Variants in PCDHGA7 observed in about 807,000 individuals in gnomAD.
The protein encoded by PCDHGA7 is protocadherin gamma-A7.
In PCDHGA7, 44 loss-of-function variants were observed where a neutral mutation model predicts 58.3. That is an observed-to-expected ratio of 0.75 (90% CI 0.59 to 0.97). The LOEUF (loss-of-function observed/expected upper bound fraction) is 0.97, where lower values mean the gene tolerates loss of function less well. Ranked by LOEUF, PCDHGA7 falls within the 50% of genes least tolerant of loss-of-function variation. PCDHGA7 has a pLI of 0.00. For missense variants in PCDHGA7, 1,266 were observed against 1,188.7 expected (o/e 1.06, Z -0.96); for synonymous variants, 516 against 504.2 (o/e 1.02, Z -0.31).
At position 141,476,851 on chromosome 5, in the gene PCDHGA7, C is replaced by T; in HGVS notation, c.2425-17956C>T. ...CGAATGACAATGCGCCTGTCTTCAA[C>T]CAGTCCTTGTACCGGGCGCGCGTCC... On this transcript the variant is annotated intron_variant, in intron 1 of 3. Transcript: ENST00000518325. This position sits in a 1 kb window ranked among gnomAD's most constrained non-coding sequence, Gnocchi z 7.6. The T allele has an allele frequency of 6.2e-7, 1 of 1,613,836 alleles. No individual in the cohort carries two copies. Among genetic ancestry groups the T allele is most frequent in the Non-Finnish European group, 8.5e-7 (1 of 1,180,046 alleles).
intron 1 of PCDHGA7, among the ~76,000 whole-genome samples, chr5:141,463,632 T>C (rs2099065676): frequency 6.6e-6 from 1 of 151,822 alleles, no homozygotes; most frequent in Admixed American, 6.6e-5. Flanking sequence ...GTATTTTGTT[T>C]AGTAGAGACG....
At position 141,495,662 on chromosome 5, in the gene PCDHGA7, C is replaced by T. The variant is rs545912968; in HGVS notation, c.2483+797C>T. The stretch of plus-strand genomic sequence containing the variant: ...TTTGTCTACTTGCATTGATCTGTGC[C>T]GCCCACTGTGCCTGCCATGGCATAA... On this transcript the variant is annotated intron_variant, in intron 2 of 3. Coordinates refer to ENST00000518325, the MANE Select transcript of PCDHGA7 (RefSeq NM_018920.4). Among the ~76,000 whole-genome samples, 8 of 152,256 alleles carry T rather than the reference C, an allele frequency of 5.3e-5. No individual in the cohort carries two copies. In the South Asian group the frequency reaches 6.2e-4, roughly 12 times the overall value.
intron 1 of PCDHGA7, among the ~76,000 whole-genome samples, chr5:141,444,977 T>A (rs2098452876): frequency 1.3e-5 from 2 of 152,200 alleles, no homozygotes; most frequent in South Asian, 4.1e-4. Flanking sequence ...TTCAAATCCA[T>A]GAACATGGTA....
chr5:141,469,834 T>C (rs1228732202), intron 1 of PCDHGA7, among the ~76,000 whole-genome samples: 4 of 152,068 alleles, frequency 2.6e-5, no homozygotes, highest in African/African-American at 9.7e-5. Context: ...ACATAAAACT[T>C]ATTCTTAAGA....
In PCDHGA7 at chr5:141,383,711, A is replaced by G. The variant is rs201269369; in HGVS notation, c.812A>G (p.Glu271Gly). 5.5e-4 allele frequency: 889 copies of G among 1,614,004 alleles called. No individual in the cohort carries two copies. Among genetic ancestry groups the G allele is most frequent in the Non-Finnish European group, 6.8e-4 (805 of 1,179,880 alleles). The change falls in exon 1 of 4, where the codon GAG (glutamate) becomes GGG (glycine). Residue 271 changes from glutamate to glycine, a missense_variant. Coordinates refer to ENST00000518325, the MANE Select transcript of PCDHGA7 (RefSeq NM_018920.4). ...ACGGTACATGCTATCGACCTGGACGAGGGAGTCAATGGGGAAGTGACATAT... is the reference window on the plus strand; with the variant it reads ...ACGGTACATGCTATCGACCTGGACGGGGGAGTCAATGGGGAAGTGACATAT... The part of the protein sequence containing the change: ...LLTVHAIDLD[E>G]GVNGEVTYSF...
chr5:141,409,990 C>A (rs377295503), intron 1 of PCDHGA7: 26 of 1,613,278 alleles, frequency 1.6e-5, no homozygotes, highest in Non-Finnish European at 2.2e-5. Flanking sequence ...CGGTGGACGC[C>A]GACTCGGGAC....
In PCDHGA7 at chr5:141,417,067, A is replaced by G. The variant is rs1008801110; in HGVS notation, c.2424+31744A>G. The stretch of plus-strand genomic sequence containing the variant: ...AAAAACTGCTCTTGACATTGTAGCT[A>G]TTGTGAGAAAATATTTTGATTATAA... On this transcript the variant is annotated intron_variant, in intron 1 of 3. Coordinates refer to ENST00000518325, the MANE Select transcript of PCDHGA7 (RefSeq NM_018920.4). 2.0e-5 allele frequency: 3 copies of G among 152,102 alleles called. No homozygotes were observed. The South Asian group carries it at 6.2e-4, about 31-fold the overall frequency. 9.4% of individuals were successfully genotyped at this position (152,102 alleles called of 1,614,324 possible).
Position 141,486,616 on chromosome 5 carries a change from C to A in PCDHGA7, c.2425-8191C>A. On this transcript the variant is annotated intron_variant, in intron 1 of 3. Transcript: ENST00000518325. The surrounding 1 kb of genome is among the most constrained non-coding windows in gnomAD (Gnocchi z 5.0). ...TGCTTTGCTCCCTTGCAGCCTCTGACCCAGACTCTGGCTTGAATGCGCTTA... is the reference window on the plus strand; with the variant it reads ...TGCTTTGCTCCCTTGCAGCCTCTGAACCAGACTCTGGCTTGAATGCGCTTA... The A allele has an allele frequency of 6.2e-7, 1 of 1,613,618 alleles. No individual in the cohort carries two copies. Among genetic ancestry groups the A allele is most frequent in the Non-Finnish European group, 8.5e-7 (1 of 1,180,022 alleles).
intron 1 of PCDHGA7, chr5:141,423,302 T>G (rs1221185261): frequency 6.2e-7 from 1 of 1,614,144 alleles, no homozygotes. Context: ...GACCTCTCGC[T>G]GTACTTGGTG....
chr5:141,403,030 C>T, intron 1 of PCDHGA7: 1 of 1,614,056 alleles, frequency 6.2e-7, no homozygotes, highest in Non-Finnish European at 8.5e-7. Flanking sequence ...TATGGGAGGC[C>T]AGGGCCAGTC....
intron 1 of PCDHGA7, among the ~76,000 whole-genome samples, chr5:141,397,274 G>A (rs565956732): frequency 6.6e-6 from 1 of 152,188 alleles, no homozygotes; most frequent in East Asian, 1.9e-4. Flanking sequence ...TACATCATAT[G>A]GGCAGTATAC....
intron 1 of PCDHGA7, among the ~76,000 whole-genome samples, chr5:141,466,554 G>A (rs2099125028): frequency 6.6e-6 from 1 of 152,068 alleles, no homozygotes. Flanking sequence ...TTTGCTGTGG[G>A]CTTCATCTTC....
chr5:141,388,004 A>G, intron 1 of PCDHGA7: 1 of 1,482,610 alleles, frequency 6.7e-7, no homozygotes, highest in Non-Finnish European at 9.1e-7. Context: ...TTCCCGAGGA[A>G]ATGCCCAAGG....
chr5:141,395,317 A>G, intron 1 of PCDHGA7: 1 of 1,488,840 alleles, frequency 6.7e-7, no homozygotes, highest in Non-Finnish European at 9.0e-7. Flanking sequence ...AACATTGTGA[A>G]GATAGTTGAA....
rs773944794 is a variant in PCDHGA7 at position 141,477,003 on chromosome 5, C to T, written c.2425-17804C>T. 1.2e-6 allele frequency: 2 copies of T among 1,614,214 alleles called. No homozygotes were observed. The highest frequency in any genetic ancestry group is 8.5e-7 in the Non-Finnish European group (1 of 1,180,040). On this transcript the variant is annotated intron_variant, in intron 1 of 3. Transcript: ENST00000518325. This position sits in a 1 kb window ranked among gnomAD's most constrained non-coding sequence, Gnocchi z 4.9. ...CGCGCCGGCGTGCGGCAACTATTCG[C>T]CTTAGACCTTGTAACCGGGATGCTG...
In PCDHGA7 at chr5:141,417,713, C is replaced by T. The variant is rs905298887; in HGVS notation, c.2424+32390C>T. 1.3e-4 allele frequency: 160 copies of T among 1,271,624 alleles called. No homozygotes were observed. In the Admixed American group the frequency reaches 4.6e-3, roughly 37 times the overall value. The allele number at this position is 1,271,624 out of a possible 1,614,324, so 78.8% of individuals were successfully genotyped here. On this transcript the variant is annotated intron_variant, in intron 1 of 3. Transcript: ENST00000518325. ...AAACCAGCTCCCACACAGAGGCTCC[C>T]GGCTGCGCAGACCTTGCCCAGCACA... is the stretch of plus-strand genomic sequence containing the variant.
At chr5:141,426,986 C>A (rs764345099) in intron 1 of PCDHGA7, 6 of 456,618 alleles carry the variant, frequency 1.3e-5, no homozygotes, top group Non-Finnish European at 2.2e-5. Flanking sequence ...CTGATGCCAA[C>A]GATAATGCCC....
chr5:141,439,118 G>A (rs1293542421), intron 1 of PCDHGA7, among the ~76,000 whole-genome samples: 3 of 151,390 alleles, frequency 2.0e-5, no homozygotes, highest in Non-Finnish European at 4.4e-5. Flanking sequence ...ACTTGAACCC[G>A]GGAGACAGAG....
chr5:141,476,843 G>A lies in PCDHGA7; in HGVS notation c.2425-17964G>A, dbSNP rs2099399765. On this transcript the variant is annotated intron_variant, in intron 1 of 3. Transcript: ENST00000518325. The surrounding 1 kb of genome is among the most constrained non-coding windows in gnomAD (Gnocchi z 7.6). ...GCTGGACGCGAATGACAATGCGCCT[G>A]TCTTCAACCAGTCCTTGTACCGGGC... 1 of 1,613,706 alleles carries A rather than the reference G, an allele frequency of 6.2e-7. No individual in the cohort carries two copies. Among genetic ancestry groups the A allele is most frequent in the Non-Finnish European group, 8.5e-7 (1 of 1,180,046 alleles).
Sources: gnomAD v4.1 joint callset for allele counts (sites outside exome capture counted in the v4.1 genomes callset) on GRCh38, gnomAD v4.1.1 for gene constraint, Gnocchi (gnomAD v3.1) non-coding constraint, MANE v1.5 for transcripts, NCBI Gene and HGNC (gene_info 2026-07-23, HGNC 2026-07-21) for gene names.